Variants in MAP3K4 observed in about 807,000 individuals in gnomAD.
MAP3K4 encodes the protein MAP three kinase 1.
In MAP3K4, 67 loss-of-function variants were observed where a neutral mutation model predicts 185.6. That is an observed-to-expected ratio of 0.36 (90% CI 0.30 to 0.44). The LOEUF (loss-of-function observed/expected upper bound fraction) is 0.44. Among genes scored for constraint, MAP3K4 ranks in the 20% least tolerant of loss-of-function variants. The pLI, the probability that MAP3K4 is intolerant of heterozygous loss-of-function variation, is 1.00. For synonymous variants in MAP3K4, 702 were observed against 710.4 expected (o/e 0.99, Z 0.19); for missense variants, 1,551 against 1,995.1 (o/e 0.78, Z 4.24).
At position 161,073,648 on chromosome 6, in the gene MAP3K4, T is replaced by C; in HGVS notation, c.2097+36T>C. Reference sequence around the variant, plus strand: ...GTGGGGAGGAATTTTTCTTTCTTTCTTTGTTTCTTTTTTTAAAAAAGTAAG... The same window carrying C: ...GTGGGGAGGAATTTTTCTTTCTTTCCTTGTTTCTTTTTTTAAAAAAGTAAG... On this transcript the variant is annotated intron_variant, in intron 5 of 26. Transcript: ENST00000392142. The surrounding 1 kb of genome is among the most constrained non-coding windows in gnomAD (Gnocchi z 4.2). 6.3e-7 allele frequency: 1 copy of C among 1,586,270 alleles called. No individual in the cohort carries two copies. Among genetic ancestry groups the C allele is most frequent in the Non-Finnish European group, 8.6e-7 (1 of 1,166,996 alleles).
At position 161,082,659 on chromosome 6, in the gene MAP3K4, G is replaced by A. The variant is rs1785512643; in HGVS notation, c.2255+1621G>A. On this transcript the variant is annotated intron_variant, in intron 6 of 26. Coordinates refer to ENST00000392142, the MANE Select transcript of MAP3K4 (RefSeq NM_005922.4). This position sits in a 1 kb window ranked among gnomAD's most constrained non-coding sequence, Gnocchi z 4.2. ...GTCAGTCGGTGTTGGAATCAGCGCTGACTCCTTTGTTTCCTGCACACACTA... is the reference window on the plus strand; with the variant it reads ...GTCAGTCGGTGTTGGAATCAGCGCTAACTCCTTTGTTTCCTGCACACACTA... 6.6e-6 allele frequency among the ~76,000 whole-genome samples: 1 copy of A among 152,142 alleles called. No individual in the cohort carries two copies. Among genetic ancestry groups the A allele is most frequent in the African/African-American group, 2.4e-5 (1 of 41,418 alleles).
Position 161,063,910 on chromosome 6 carries a change from A to G in MAP3K4, c.1708-6698A>G, listed in dbSNP as rs1284853046. Among the ~76,000 whole-genome samples, 2 of 152,080 alleles carry G rather than the reference A, an allele frequency of 1.3e-5. No homozygotes were observed. Among genetic ancestry groups the G allele is most frequent in the Admixed American group, 1.3e-4 (2 of 15,264 alleles). ...GCTTCCCTCCGCTAATGCTGATACC[A>G]CATGGCTCTTGGAACTGTTCATGGT... On this transcript the variant is annotated intron_variant, in intron 3 of 26. Coordinates refer to ENST00000392142, the MANE Select transcript of MAP3K4 (RefSeq NM_005922.4). The surrounding 1 kb of genome is among the most constrained non-coding windows in gnomAD (Gnocchi z 5.4).
intron 3 of MAP3K4, among the ~76,000 whole-genome samples, chr6:161,065,863 G>A (rs985107181): frequency 2.0e-5 from 3 of 149,514 alleles, no homozygotes; most frequent in East Asian, 2.0e-4. Flanking sequence ...GCGTGAACCC[G>A]GGAGGCGGAG....
chr6:161,023,672 A>AT (rs1289055808), intron 1 of MAP3K4, among the ~76,000 whole-genome samples: 1 of 152,218 alleles, frequency 6.6e-6, no homozygotes, highest in Non-Finnish European at 1.5e-5. Flanking sequence ...TGAAATCTGT[A>AT]TTTTTAACAG....
At chr6:161,113,490 AAC>A (rs1387955557) in intron 25 of MAP3K4, among the ~76,000 whole-genome samples, 1 of 152,214 alleles carries the variant, frequency 6.6e-6, no homozygotes, top group Non-Finnish European at 1.5e-5. Context: ...TAGAATGTGC[AAC>A]AGAGTGAACC....
chr6:161,063,553 G>A lies in MAP3K4; in HGVS notation c.1708-7055G>A, dbSNP rs1399378520. On this transcript the variant is annotated intron_variant, in intron 3 of 26. Transcript: ENST00000392142. This position sits in a 1 kb window ranked among gnomAD's most constrained non-coding sequence, Gnocchi z 5.4. ...TCTCTGTTATTGTTTGAGGTCTGTG[G>A]ACTGTTCTTCTTCCCATGTTCTCGA... 6.6e-6 allele frequency among the ~76,000 whole-genome samples: 1 copy of A among 152,094 alleles called. No homozygotes were observed. Among genetic ancestry groups the A allele is most frequent in the African/African-American group, 2.4e-5 (1 of 41,414 alleles).
chr6:161,055,511 A>G (rs778981556), intron 3 of MAP3K4, among the ~76,000 whole-genome samples: 12 of 152,354 alleles, frequency 7.9e-5, no homozygotes, highest in Middle Eastern at 3.4e-3. Flanking sequence ...TACCCAATAC[A>G]TTTGTTAAAA....
chr6:161,087,733 A>T lies in MAP3K4; in HGVS notation c.2602A>T (p.Thr868Ser). Reference protein sequence around the residue: ...LENLQMFVPDTLAEEKSIILQ... With the variant: ...LENLQMFVPDSLAEEKSIILQ... ...AAACTTGCAAATGTTTGTTCCAGAC[A>T]CTCTTGCTGAGGAGAAGAGTATTAT... The change falls in exon 10 of 27, where the codon ACT becomes TCT. Residue 868 changes from threonine to serine, a missense_variant. By Grantham distance (58) the Thr-to-Ser change is moderately conservative (BLOSUM62 1). Coordinates refer to ENST00000392142, the MANE Select transcript of MAP3K4 (RefSeq NM_005922.4). This position sits in a 1 kb window ranked among gnomAD's most constrained non-coding sequence, Gnocchi z 4.9. The T allele has an allele frequency of 6.2e-7, 1 of 1,614,084 alleles. No homozygotes were observed.
chr6:160,992,348 G>A, intron 1 of MAP3K4: 1 of 503,296 alleles, frequency 2.0e-6, no homozygotes, highest in Non-Finnish European at 3.4e-6. Flanking sequence ...GACTCCCCCA[G>A]CTCACCCTCA....
chr6:160,995,696 TATC>T (rs1780955837), intron 1 of MAP3K4, among the ~76,000 whole-genome samples: 1 of 152,184 alleles, frequency 6.6e-6, no homozygotes. Flanking sequence ...AAACATTGCT[TATC>T]ATTTCTTTTT....
Position 161,043,506 on chromosome 6 carries a change from C to G in MAP3K4, c.344-5110C>G, listed in dbSNP as rs897837268. 2.0e-5 allele frequency among the ~76,000 whole-genome samples: 3 copies of G among 152,188 alleles called. No homozygotes were observed. Among genetic ancestry groups the G allele is most frequent in the Non-Finnish European group, 4.4e-5 (3 of 68,038 alleles). ...AAGTCCAAGGATGGTGTGGTGGCAC[C>G]AACTTGGGCTAGGACCCCTGTTCTG... On this transcript the variant is annotated intron_variant, in intron 2 of 26. Transcript: ENST00000392142. The surrounding 1 kb of genome is among the most constrained non-coding windows in gnomAD (Gnocchi z 4.3).
chr6:161,105,831 G>GTT (rs953417215), intron 19 of MAP3K4, among the ~76,000 whole-genome samples: 1 of 93,384 alleles, frequency 1.1e-5, no homozygotes, highest in African/African-American at 3.6e-5. Context: ...AAGTTTTTTG[G>GTT]TTTTTTGTTT....
intron 1 of MAP3K4, among the ~76,000 whole-genome samples, chr6:161,029,902 C>T (rs1394605160): frequency 2.0e-5 from 3 of 151,868 alleles, no homozygotes; most frequent in Admixed American, 1.3e-4. Flanking sequence ...GATTTCTTTC[C>T]CTCCTATTAA....
intron 1 of MAP3K4, among the ~76,000 whole-genome samples, chr6:160,999,588 G>A (rs370204484): frequency 3.9e-5 from 6 of 152,148 alleles, no homozygotes; most frequent in Admixed American, 2.6e-4. Context: ...TGGGCTGTGC[G>A]TCTCGTTTTA....
intron 3 of MAP3K4, among the ~76,000 whole-genome samples, chr6:161,066,050 G>A (rs1342021783): frequency 1.3e-5 from 2 of 152,112 alleles, no homozygotes; most frequent in Non-Finnish European, 2.9e-5. Context: ...CAGATTTTGG[G>A]TTTTTGGATT....
At position 161,108,492 on chromosome 6, in the gene MAP3K4, C is replaced by T. The variant is rs939381731; in HGVS notation, c.4120-251C>T. On this transcript the variant is annotated intron_variant, in intron 21 of 26. Transcript: ENST00000392142. The surrounding 1 kb of genome is among the most constrained non-coding windows in gnomAD (Gnocchi z 5.7). ...GCACTTGCCGTGGAGCCGCGTCCTC[C>T]TCCACATGGCGCTCCTCACTCCCTC... 6.6e-6 allele frequency among the ~76,000 whole-genome samples: 1 copy of T among 152,094 alleles called. No individual in the cohort carries two copies. Among genetic ancestry groups the T allele is most frequent in the Non-Finnish European group, 1.5e-5 (1 of 68,032 alleles).
intron 2 of MAP3K4, among the ~76,000 whole-genome samples, chr6:161,047,933 A>C (rs184001537): frequency 6.6e-6 from 1 of 152,342 alleles, no homozygotes; most frequent in East Asian, 1.9e-4. Flanking sequence ...GCAGTATAAC[A>C]TACTAAGCAA....
intron 1 of MAP3K4, among the ~76,000 whole-genome samples, chr6:160,993,673 G>A (rs1283505300): frequency 6.6e-6 from 1 of 151,658 alleles, no homozygotes; most frequent in East Asian, 1.9e-4. Context: ...AGCATTCTTA[G>A]GTAAAAGCGA....
intron 1 of MAP3K4, among the ~76,000 whole-genome samples, chr6:161,016,048 G>A (rs966539791): frequency 2.0e-5 from 3 of 152,058 alleles, no homozygotes; most frequent in South Asian, 4.1e-4. Flanking sequence ...TTGTCAACGC[G>A]TTGTCTGACG....
Sources: gnomAD v4.1 joint callset for allele counts (sites outside exome capture counted in the v4.1 genomes callset) on GRCh38, gnomAD v4.1.1 for gene constraint, Gnocchi (gnomAD v3.1) non-coding constraint, MANE v1.5 for transcripts, NCBI Gene and HGNC (gene_info 2026-07-23, HGNC 2026-07-21) for gene names.